PYY: variants seen among roughly 807,000 people sequenced by gnomAD.
The protein encoded by PYY is peptide tyrosine tyrosine.
Under a neutral mutation model 10.3 loss-of-function variants are expected in PYY, and 12 were observed. That is an observed-to-expected ratio of 1.17 (90% CI 0.75 to 1.89). The LOEUF is 1.89. Among genes scored for constraint, PYY ranks in the 40% most tolerant of loss-of-function variants. PYY has a pLI of 0.00. For missense variants in PYY, 141 were observed against 134.0 expected, an observed-to-expected ratio of 1.05 and a Z score of -0.26; for synonymous variants, 66 against 62.0, an observed-to-expected ratio of 1.06 and a Z score of -0.30.
At chr17:43,962,512 A>G (rs2048719287) in intron 2 of PYY, among the ~76,000 whole-genome samples, 1 of 152,320 alleles carries the variant, frequency 6.6e-6, no homozygotes, top group Non-Finnish European at 1.5e-5. Context: ...ACTATTAACT[A>G]TAGTCACCAT....
chr17:43,976,452 T>G (rs1219052715), intron 1 of PYY, among the ~76,000 whole-genome samples: 2 of 146,186 alleles, frequency 1.4e-5, no homozygotes, highest in African/African-American at 5.0e-5. Context: ...TGTATACATA[T>G]ACATATATAT....
At chr17:43,972,536 A>C (rs985545508) in intron 1 of PYY, among the ~76,000 whole-genome samples, 14 of 66,270 alleles carry the variant, frequency 2.1e-4, no homozygotes, top group African/African-American at 1.0e-3. Flanking sequence ...TACTTTAAAA[A>C]ACATTTTTTT....
At chr17:43,967,770 G>A (rs1642599) in intron 1 of PYY, among the ~76,000 whole-genome samples, 125,155 of 151,992 alleles carry the variant, frequency 0.82, 51,840 homozygotes, top group East Asian at 1. Flanking sequence ...GGAAACGGGG[G>A]AAGAAAGCCA....
intron 2 of PYY, among the ~76,000 whole-genome samples, chr17:43,961,237 C>CA (rs1261310888): frequency 5.3e-5 from 8 of 150,248 alleles, no homozygotes; most frequent in African/African-American, 2.0e-4. Context: ...AAAAAAAAAA[C>CA]AAACAAGCAA....
At chr17:43,961,140 C>T (rs144494832) in intron 2 of PYY, among the ~76,000 whole-genome samples, 9 of 151,920 alleles carry the variant, frequency 5.9e-5, no homozygotes, top group African/African-American at 2.2e-4. Context: ...GTGGGAGGAT[C>T]GCTTGAGCCT....
chr17:43,974,798 G>A (rs191614556), intron 1 of PYY, among the ~76,000 whole-genome samples: 9 of 152,284 alleles, frequency 5.9e-5, no homozygotes, highest in Admixed American at 2.0e-4. Context: ...TCAGCAAGTG[G>A]TGCTGGTGAG....
At chr17:43,971,655 C>T (rs934709371) in intron 1 of PYY, among the ~76,000 whole-genome samples, 1 of 149,020 alleles carries the variant, frequency 6.7e-6, no homozygotes, top group Non-Finnish European at 1.5e-5. Context: ...TTTATATCCT[C>T]CTTGGTGCAG....
chr17:43,958,610 C>G (rs1393281726), upstream of PYY, among the ~76,000 whole-genome samples: 1 of 152,204 alleles, frequency 6.6e-6, no homozygotes, highest in Non-Finnish European at 1.5e-5. Flanking sequence ...GAACTCCCAG[C>G]CTCAAGTGAT....
At chr17:43,996,889 A>G (rs1230077388) in intron 1 of PYY, among the ~76,000 whole-genome samples, 1 of 151,774 alleles carries the variant, frequency 6.6e-6, no homozygotes, top group African/African-American at 2.4e-5. Flanking sequence ...AGGTTTTGCC[A>G]TGTTGCCCAG....
intron 1 of PYY, among the ~76,000 whole-genome samples, chr17:43,978,898 C>T (rs891117375): frequency 1.3e-5 from 2 of 152,184 alleles, no homozygotes; most frequent in Non-Finnish European, 2.9e-5. Context: ...TCGGTCTAAC[C>T]CTTAAACTGT....
intron 1 of PYY, among the ~76,000 whole-genome samples, chr17:43,994,513 C>T (rs1260365599): frequency 6.6e-6 from 1 of 152,172 alleles, no homozygotes; most frequent in Non-Finnish European, 1.5e-5. Flanking sequence ...GAAGGATCCC[C>T]AGAGTGGGAG....
intron 1 of PYY, among the ~76,000 whole-genome samples, chr17:43,975,668 G>A (rs112052737): frequency 0.24 from 32,993 of 138,710 alleles, 6,686 homozygotes; most frequent in East Asian, 0.68. Flanking sequence ...GCAGTGAGCC[G>A]AGATCATACC....
intron 2 of PYY, among the ~76,000 whole-genome samples, chr17:43,962,467 G>A (rs1042910206): frequency 2.1e-5 from 2 of 94,824 alleles, no homozygotes; most frequent in Non-Finnish European, 4.7e-5. Flanking sequence ...ATGTGAGAAT[G>A]CTTAAGATCT....
chr17:43,984,327 T>C (rs1008635), intron 1 of PYY, among the ~76,000 whole-genome samples: 19,266 of 152,204 alleles, frequency 0.13, 2,248 homozygotes, highest in East Asian at 0.61. Context: ...GCCCCACCTC[T>C]TGACCTGGAT....
At chr17:43,999,348 G>A (rs190866114) in intron 1 of PYY, among the ~76,000 whole-genome samples, 1 of 152,086 alleles carries the variant, frequency 6.6e-6, no homozygotes, top group Admixed American at 6.6e-5. Flanking sequence ...AATTTTGTTC[G>A]CTTTTTCCAG....
intron 1 of PYY, among the ~76,000 whole-genome samples, chr17:44,001,657 C>T (rs1257350674): frequency 6.6e-6 from 1 of 152,132 alleles, no homozygotes; most frequent in Non-Finnish European, 1.5e-5. Context: ...GGGATGAAGC[C>T]CAAAGGAGTC....
In PYY at chr17:43,993,375, C is replaced by T. The variant is rs534127845; in HGVS notation, c.-463+11016G>A. Reference sequence around the variant, plus strand: ...TCGGGAGGCTGAGGCAGAAGAATGGCGTGAACCCGCGAGGCAGAGCCTGCA... The same window carrying T: ...TCGGGAGGCTGAGGCAGAAGAATGGTGTGAACCCGCGAGGCAGAGCCTGCA... On this transcript the variant is annotated intron_variant, in intron 1 of 6. Transcript: ENST00000360085. Among the ~76,000 whole-genome samples, 4 of 151,638 alleles carry T rather than the reference C, an allele frequency of 2.6e-5. No individual in the cohort carries two copies. In the South Asian group the frequency reaches 6.2e-4, roughly 24 times the overall value.
intron 1 of PYY, among the ~76,000 whole-genome samples, chr17:43,973,678 CCAG>C (rs2048810588): frequency 6.6e-6 from 1 of 152,054 alleles, no homozygotes; most frequent in African/African-American, 2.4e-5. Context: ...ACCTGTAATC[CCAG>C]CTGTTTGGGA....
At chr17:43,960,785 G>C (rs981546099) in intron 2 of PYY, among the ~76,000 whole-genome samples, 12 of 149,468 alleles carry the variant, frequency 8.0e-5, no homozygotes, top group Admixed American at 5.4e-4. Flanking sequence ...AGGAGGCGGG[G>C]ATTGCAGTGA....
Sources: allele counts gnomAD v4.1 joint callset (sites outside exome capture counted in the v4.1 genomes callset), GRCh38; gene constraint gnomAD v4.1.1; transcripts MANE v1.5; gene names NCBI Gene and HGNC (gene_info 2026-07-23, HGNC 2026-07-21).